CDH23: variants seen among roughly 807,000 people sequenced by gnomAD.
The protein encoded by CDH23 is cadherin-23.
Under a neutral mutation model 317.1 loss-of-function variants are expected in CDH23, and 189 were observed. The ratio of observed to expected loss-of-function variants is 0.60; its 90% CI spans 0.53 to 0.67. CDH23 has a LOEUF of 0.67. Ranked by LOEUF, CDH23 falls within the 30% of genes least tolerant of loss-of-function variation. The pLI, the probability that CDH23 is intolerant of heterozygous loss-of-function variation, is 0.00. For missense variants in CDH23, 4,401 were observed against 4,592.4 expected (o/e 0.96, Z 1.20); for synonymous variants, 1,839 against 1,876.8 (o/e 0.98, Z 0.52).
Position 71,811,725 on chromosome 10 carries a change from G to T in CDH23, c.9291G>T (p.Lys3097Asn), listed in dbSNP as rs368441850. Residue 3097 changes from lysine to asparagine, a missense_variant, in exon 65 of 70, where the codon AAG (lysine) becomes AAT (asparagine). By Grantham distance (94) the Lys-to-Asn change is moderately conservative (BLOSUM62 0). Around this residue, in one of 3 missense-constraint regions of CDH23, gnomAD observed 1,144 missense variants for 1,138.2 expected, o/e 1.01. Coordinates refer to ENST00000224721, the MANE Select transcript of CDH23 (RefSeq NM_022124.6). ...TGCTTCTCTCCAGACACAAGAGGAAGCTCAAGGCCATTGTGGCTGGCTCAG... is the reference window on the plus strand; with the variant it reads ...TGCTTCTCTCCAGACACAAGAGGAATCTCAAGGCCATTGTGGCTGGCTCAG... ...NWYYRTVHKR[K>N]LKAIVAGSAG... 8.7e-5 allele frequency: 140 copies of T among 1,601,528 alleles called. No individual in the cohort carries two copies. Among genetic ancestry groups the T allele is most frequent in the Non-Finnish European group, 1.2e-4 (135 of 1,173,918 alleles).
intron 38 of CDH23, among the ~76,000 whole-genome samples, chr10:71,746,312 C>T (rs1212278311): frequency 6.6e-6 from 1 of 152,254 alleles, no homozygotes; most frequent in Non-Finnish European, 1.5e-5. Context: ...GAGAAATTCT[C>T]TGAGTCCCTC....
At chr10:71,529,369 G>A (rs1855227160) in intron 6 of CDH23, among the ~76,000 whole-genome samples, 1 of 152,164 alleles carries the variant, frequency 6.6e-6, no homozygotes, top group Admixed American at 6.5e-5. Context: ...CTGGGGTCAT[G>A]CACGTAGTAC....
chr10:71,771,713 G>A (rs1840689522), intron 38 of CDH23, among the ~76,000 whole-genome samples: 1 of 152,224 alleles, frequency 6.6e-6, no homozygotes, highest in African/African-American at 2.4e-5. Context: ...AGTATACCAT[G>A]TTGTTTGAGT....
At chr10:71,734,477 C>G in intron 33 of CDH23, 136 bp downstream of exon 33, 3 of 1,515,222 alleles carry the variant, frequency 2.0e-6, no homozygotes. Context: ...GAGGCTTCGC[C>G]ATGTCCAGCC....
At position 71,779,227 on chromosome 10, in the gene CDH23, G is replaced by A. The variant is rs373657631; in HGVS notation, c.5188-40G>A. On this transcript the variant is annotated intron_variant, in intron 40 of 69. Coordinates refer to ENST00000224721, the MANE Select transcript of CDH23 (RefSeq NM_022124.6). ...GGAACTGAGGCCCAGCACAAAGCTG[G>A]CTGGGGTGAGGCCTTGGCTAAGCTT... The A allele has an allele frequency of 5.6e-6, 9 of 1,604,216 alleles. No individual in the cohort carries two copies. The African/African-American group carries it at 1.1e-4, about 19-fold the overall frequency.
At chr10:71,434,151 G>A (rs1425636620) in intron 1 of CDH23, among the ~76,000 whole-genome samples, 1 of 152,132 alleles carries the variant, frequency 6.6e-6, no homozygotes, top group African/African-American at 2.4e-5. Flanking sequence ...CCTCTGCCTG[G>A]AAGGCATTCC....
chr10:71,710,043 C>G (rs763114097), intron 27 of CDH23, among the ~76,000 whole-genome samples: 6 of 152,100 alleles, frequency 3.9e-5, no homozygotes, highest in Non-Finnish European at 5.9e-5. Context: ...AGAAAATGCC[C>G]CCATGATTCA....
At position 71,682,501 on chromosome 10, in the gene CDH23, C is replaced by CATCCA; in HGVS notation, c.1915_1916insATCCA (p.Leu639HisfsTer3). 6.2e-7 allele frequency: 1 copy of CATCCA among 1,613,430 alleles called. No individual in the cohort carries two copies. The highest frequency in any genetic ancestry group is 8.5e-7 in the Non-Finnish European group (1 of 1,179,662). ...ACAGATATCCAATGGGCTGATTTATCTGACGGTCATGGCCATGGATGCTGG... is the reference window on the plus strand; with the variant it reads ...ACAGATATCCAATGGGCTGATTTATCATCCATGACGGTCATGGCCATGGATGCTGG... On this transcript the variant is annotated frameshift_variant, in exon 18 of 70. Transcript: ENST00000224721. LOFTEE classifies it high-confidence loss of function.
At chr10:71,417,991 A>G (rs375868822) in intron 1 of CDH23, among the ~76,000 whole-genome samples, 3 of 152,242 alleles carry the variant, frequency 2.0e-5, no homozygotes, top group Non-Finnish European at 2.9e-5. Flanking sequence ...AAACCCATCT[A>G]TTAAGATCCT....
At chr10:71,659,498 A>G (rs867449698) in intron 14 of CDH23, among the ~76,000 whole-genome samples, 2 of 152,328 alleles carry the variant, frequency 1.3e-5, no homozygotes, top group Non-Finnish European at 2.9e-5. Flanking sequence ...TAATCTCTGT[A>G]CAGGGGATAG....
chr10:71,678,028 T>G (rs1346274424), intron 16 of CDH23, among the ~76,000 whole-genome samples: 1 of 152,230 alleles, frequency 6.6e-6, no homozygotes, highest in Non-Finnish European at 1.5e-5. Context: ...AGTCAAATTC[T>G]TGGTCTGTGT....
intron 3 of CDH23, among the ~76,000 whole-genome samples, chr10:71,453,566 G>T (rs1021912478): frequency 3.3e-5 from 5 of 152,234 alleles, no homozygotes; most frequent in Non-Finnish European, 7.3e-5. Context: ...GGACTTTTCT[G>T]GGACTAGTTT....
intron 1 of CDH23, among the ~76,000 whole-genome samples, chr10:71,418,632 T>C (rs10823741): frequency 0.37 from 56,299 of 152,078 alleles, 11,419 homozygotes; most frequent in African/African-American, 0.54. Flanking sequence ...CTGGGCTTAC[T>C]TCTGGGAGAT....
intron 6 of CDH23, among the ~76,000 whole-genome samples, chr10:71,555,322 G>A (rs962298928): frequency 5.3e-5 from 8 of 152,148 alleles, no homozygotes; most frequent in African/African-American, 1.7e-4. Context: ...CCGTCACCAC[G>A]GCCCTCCCTG....
Position 71,425,234 on chromosome 10 carries a change from A to G in CDH23, c.-5-14593A>G, listed in dbSNP as rs1287624533. ...CACAGTGGGGCAGAGAGAGAGAGGG[A>G]GAGAGAGAGAGAGAGAGAGAGAGAG... On this transcript the variant is annotated intron_variant, in intron 1 of 69. Transcript: ENST00000224721. Among the ~76,000 whole-genome samples, 15 of 46,428 alleles carry G rather than the reference A, an allele frequency of 3.2e-4. 1 individual carries two copies. In the African/African-American group the frequency reaches 3.7e-3, roughly 12 times the overall value. 30.5% of individuals were successfully genotyped at this position (46,428 alleles called of 152,430 possible). A position where few individuals can be genotyped will look rare whatever the true frequency, so the allele number is the denominator to read the frequency against.
rs528917708 is a variant in CDH23 at position 71,812,132 on chromosome 10, C to T, written c.9380+117C>T. ...CCGAAACCCAGGCTGTGGGCGCCCC[C>T]TGGTGGGCGGGCCACCCTCCCTTCA... On this transcript the variant is annotated intron_variant, in intron 66 of 69. Transcript: ENST00000224721. 5 of 1,599,966 alleles carry T rather than the reference C, an allele frequency of 3.1e-6. No individual in the cohort carries two copies. In the South Asian group the frequency reaches 4.4e-5, roughly 14 times the overall value.
intron 38 of CDH23, among the ~76,000 whole-genome samples, chr10:71,764,304 A>G (rs1209678371): frequency 6.6e-6 from 1 of 152,186 alleles, no homozygotes; most frequent in Non-Finnish European, 1.5e-5. Context: ...GCACTGATGA[A>G]GAAACTAAGG....
At chr10:71,587,023 T>A (rs1271952775) in intron 9 of CDH23, among the ~76,000 whole-genome samples, 3 of 152,262 alleles carry the variant, frequency 2.0e-5, no homozygotes, top group African/African-American at 4.8e-5. Flanking sequence ...TCTCTCTGGA[T>A]GTGTGCAAGA....
At chr10:71,615,720 G>A (rs555220392) in intron 10 of CDH23, 104 bp downstream of exon 10, 14 of 791,888 alleles carry the variant, frequency 1.8e-5, no homozygotes, top group East Asian at 5.3e-5. Flanking sequence ...TGGTGGCGCC[G>A]GAAGCACTTC....
Sources: allele counts gnomAD v4.1 joint callset (sites outside exome capture counted in the v4.1 genomes callset), GRCh38; gene constraint gnomAD v4.1.1; regional missense constraint gnomAD v4.1.1; transcripts MANE v1.5; gene names NCBI Gene and HGNC (gene_info 2026-07-23, HGNC 2026-07-21).